ZDHHC11: variants seen among roughly 807,000 people sequenced by gnomAD.
ZDHHC11 encodes zDHHC palmitoyltransferase 11.
In ZDHHC11, 44 loss-of-function variants were observed where a neutral mutation model predicts 51.3. That is an observed-to-expected ratio of 0.86 (90% CI 0.67 to 1.10). The LOEUF (loss-of-function observed/expected upper bound fraction) is 1.10. Ranked by LOEUF, ZDHHC11 falls within the 50% of genes least tolerant of loss-of-function variation. ZDHHC11 has a pLI of 0.00. For missense variants in ZDHHC11, 400 were observed against 537.7 expected, an observed-to-expected ratio of 0.74 and a Z score of 2.53; for synonymous variants, 163 against 222.0, an observed-to-expected ratio of 0.73 and a Z score of 2.36.
chr5:814,724 G>A, intron 11 of ZDHHC11, 37 bp downstream of exon 11: 2 of 1,535,262 alleles, frequency 1.3e-6, no homozygotes, highest in Non-Finnish European at 1.8e-6. Context: ...CAAGTGTAGA[G>A]ACAGACAAAA....
chr5:857,953 A>C (rs1748497563), intron 1 of ZDHHC11, among the ~76,000 whole-genome samples: 2 of 134,120 alleles, frequency 1.5e-5, no homozygotes, highest in African/African-American at 5.8e-5. Context: ...CCAGGCCCCT[A>C]GAGTCTGTCC....
Position 805,722 on chromosome 5 carries a change from T to G in ZDHHC11, c.1182-4558A>C, listed in dbSNP as rs112272395. On this transcript the variant is annotated intron_variant, in intron 11 of 12. Coordinates refer to ENST00000283441, the MANE Select transcript of ZDHHC11 (RefSeq NM_024786.3). ...TTATATATATATACATAGATAGATA[T>G]ATTGAACTTTTTAATTAAAAGTCAG... 3.3e-5 allele frequency among the ~76,000 whole-genome samples: 5 copies of G among 151,282 alleles called. 1 individual carries two copies. Among genetic ancestry groups the G allele is most frequent in the Admixed American group, 2.0e-4 (3 of 15,192 alleles).
intron 12 of ZDHHC11, among the ~76,000 whole-genome samples, chr5:797,991 A>G (rs1737833899): frequency 6.6e-6 from 1 of 150,724 alleles, no homozygotes; most frequent in Non-Finnish European, 1.5e-5. Context: ...AAATTTAGGG[A>G]GAACCTGTTG....
intron 5 of ZDHHC11, chr5:839,800 A>G (rs2150389060): frequency 4.9e-6 from 1 of 204,474 alleles, no homozygotes; most frequent in African/African-American, 2.4e-5. Context: ...GCCTGGACAC[A>G]CTCTGCTGCC....
At chr5:847,965 T>C (rs1158225012) in intron 2 of ZDHHC11, among the ~76,000 whole-genome samples, 4 of 151,806 alleles carry the variant, frequency 2.6e-5, no homozygotes, top group African/African-American at 4.9e-5. Context: ...GCCGGGGGCT[T>C]GGATCCCACC....
At position 800,166 on chromosome 5, in the gene ZDHHC11, G is replaced by A. The variant is rs1738209872; in HGVS notation, c.*7+934C>T. Among the ~76,000 whole-genome samples, 4 of 151,170 alleles carry A rather than the reference G, an allele frequency of 2.6e-5. 1 individual carries two copies. Among genetic ancestry groups the A allele is most frequent in the Admixed American group, 6.6e-5 (1 of 15,178 alleles). ...CCTCAGGGCTCTATGGCACCCAGAC[G>A]GCTGTGGGAAGCTGCCTGGAGCACA... On this transcript the variant is annotated intron_variant, in intron 12 of 12. Transcript: ENST00000283441.
At chr5:808,984 TACAC>T (rs56961185) in intron 11 of ZDHHC11, among the ~76,000 whole-genome samples, 1,613 of 133,112 alleles carry the variant, frequency 0.012, 8 homozygotes, top group African/African-American at 0.034. Flanking sequence ...GACCATCAGT[TACAC>T]ACACACACAC....
At position 824,766 on chromosome 5, in the gene ZDHHC11, ATTT is replaced by A. The variant is rs1216721160; in HGVS notation, c.1023+395_1023+397del. Among the ~76,000 whole-genome samples, 278 of 89,218 alleles carry A rather than the reference ATTT, an allele frequency of 3.1e-3. 4 individuals are homozygous for A. The African/African-American group carries it at 0.035, about 11-fold the overall frequency. The allele number at this position is 89,218 out of a possible 152,430, so 58.5% of individuals were successfully genotyped here. Reference sequence around the variant, plus strand: ...ACACACAGTCTTTCCTAAGCATTTTATTTAAAAAAAAAAAAAAAACAGCACATG... The same window carrying A: ...ACACACAGTCTTTCCTAAGCATTTTAAAAAAAAAAAAAAAAACAGCACATG... On this transcript the variant is annotated intron_variant, in intron 8 of 12. Coordinates refer to ENST00000283441, the MANE Select transcript of ZDHHC11 (RefSeq NM_024786.3).
intron 6 of ZDHHC11, among the ~76,000 whole-genome samples, chr5:834,993 C>T (rs1353657422): frequency 1.3e-5 from 2 of 151,858 alleles, no homozygotes; most frequent in South Asian, 2.1e-4. Context: ...TTAATGGTGA[C>T]TTTTGAAGAG....
intron 12 of ZDHHC11, among the ~76,000 whole-genome samples, chr5:797,339 T>C (rs1354897970): frequency 6.6e-6 from 1 of 151,812 alleles, no homozygotes; most frequent in Non-Finnish European, 1.5e-5. Context: ...TGAGTTGGTG[T>C]CTTCTAACAA....
intron 9 of ZDHHC11, among the ~76,000 whole-genome samples, chr5:820,673 C>A (rs1322110311): frequency 6.6e-6 from 1 of 151,270 alleles, no homozygotes; most frequent in Non-Finnish European, 1.5e-5. Flanking sequence ...GATGTGGTCC[C>A]CTCCCAATGG....
At chr5:806,371 C>T (rs1388948585) in intron 11 of ZDHHC11, among the ~76,000 whole-genome samples, 10 of 151,182 alleles carry the variant, frequency 6.6e-5, no homozygotes, top group Admixed American at 2.0e-4. Flanking sequence ...TAGATCTCTA[C>T]CTCACACCAT....
rs771530318 is a variant in ZDHHC11, at chr5:850,377, A to C, written c.222+4T>G. The C allele has an allele frequency of 1.9e-6, 3 of 1,613,378 alleles. No homozygotes were observed. Among genetic ancestry groups the C allele is most frequent in the Non-Finnish European group, 2.5e-6 (3 of 1,179,978 alleles). Reference sequence around the variant, plus strand: ...CTTAGACCATGCCACGATGAAAAGGATACCACGTAGGCAATGTATTTCCAC... The same window carrying C: ...CTTAGACCATGCCACGATGAAAAGGCTACCACGTAGGCAATGTATTTCCAC... On this transcript the variant is annotated splice_donor_region_variant and intron_variant, in intron 1 of 12. Coordinates refer to ENST00000283441, the MANE Select transcript of ZDHHC11 (RefSeq NM_024786.3).
intron 1 of ZDHHC11, among the ~76,000 whole-genome samples, chr5:858,530 G>T (rs1185637378): frequency 2.0e-5 from 3 of 152,138 alleles, no homozygotes; most frequent in Non-Finnish European, 2.9e-5. Context: ...TGTGGTCCCT[G>T]AGTCTGTCCT....
Position 825,350 on chromosome 5 carries a change from G to A in ZDHHC11, c.936-99C>T, listed in dbSNP as rs536215653. 21 of 1,226,436 alleles carry A rather than the reference G, an allele frequency of 1.7e-5. No homozygotes were observed. The African/African-American group carries it at 2.6e-4, about 15-fold the overall frequency. 76.0% of individuals were successfully genotyped at this position (1,226,436 alleles called of 1,614,324 possible). A position where few individuals can be genotyped will look rare whatever the true frequency, so the allele number is the denominator to read the frequency against. On this transcript the variant is annotated intron_variant, in intron 7 of 12. Coordinates refer to ENST00000283441, the MANE Select transcript of ZDHHC11 (RefSeq NM_024786.3). Reference sequence around the variant, plus strand: ...ACCGCGTCGTGTCAGCACCACTGCTGTGGGGCACACATGTCTCAGAAACTT... The same window carrying A: ...ACCGCGTCGTGTCAGCACCACTGCTATGGGGCACACATGTCTCAGAAACTT...
intron 11 of ZDHHC11, among the ~76,000 whole-genome samples, chr5:810,382 G>A (rs1296772682): frequency 1.3e-5 from 2 of 150,522 alleles, no homozygotes; most frequent in African/African-American, 4.9e-5. Context: ...CATTCCCTTC[G>A]ACATCCCACA....
intron 5 of ZDHHC11, among the ~76,000 whole-genome samples, chr5:838,953 C>T (rs1318545170): frequency 6.8e-6 from 1 of 146,584 alleles, no homozygotes; most frequent in East Asian, 1.9e-4. Flanking sequence ...TATTACTGGG[C>T]AGTTTGAGCA....
At chr5:814,249 T>C (rs1740469313) in intron 11 of ZDHHC11, among the ~76,000 whole-genome samples, 1 of 150,162 alleles carries the variant, frequency 6.7e-6, no homozygotes, top group African/African-American at 2.5e-5. Context: ...TTTTATTTCA[T>C]CATGGGAACA....
chr5:859,643 A>T (rs2150532950), upstream of ZDHHC11, among the ~76,000 whole-genome samples: 1 of 152,268 alleles, frequency 6.6e-6, no homozygotes, highest in East Asian at 1.9e-4. Flanking sequence ...AGGGAGTCTC[A>T]GCATTTTAGC....
Sources: gnomAD v4.1 joint callset for allele counts (sites outside exome capture counted in the v4.1 genomes callset) on GRCh38, gnomAD v4.1.1 for gene constraint, MANE v1.5 for transcripts, NCBI Gene and HGNC (gene_info 2026-07-23, HGNC 2026-07-21) for gene names.